The following LINGO2 variants were observed in gnomAD, a reference collection of about 807,000 sequenced individuals.
LINGO2 encodes the protein leucine-rich repeat and immunoglobulin-like domain-containing nogo receptor-interacting protein 2.
LINGO2 carries 14 observed loss-of-function variants against 30.6 expected under a neutral mutation model. The ratio of observed to expected loss-of-function variants is 0.46; its 90% CI spans 0.30 to 0.72. The LOEUF is 0.72. Ranked by LOEUF, LINGO2 falls within the 30% of genes least tolerant of loss-of-function variation. The probability of loss-of-function intolerance (pLI) is 0.07; values close to 1 mark genes in which losing one functional copy is unlikely to be tolerated. For synonymous variants in LINGO2, 317 were observed against 288.5 expected (o/e 1.10, Z -1.00); for missense variants, 729 against 751.7 (o/e 0.97, Z 0.35).
chr9:28,139,513 A>T (rs775947043), intron 4 of LINGO2, among the ~76,000 whole-genome samples: 2 of 152,194 alleles, frequency 1.3e-5, no homozygotes, highest in Non-Finnish European at 2.9e-5. Flanking sequence ...GAAAACTGAT[A>T]AGAGAAATGT....
chr9:28,081,858 TC>T, intron 4 of LINGO2, among the ~76,000 whole-genome samples: 1 of 152,298 alleles, frequency 6.6e-6, no homozygotes, highest in Middle Eastern at 3.4e-3. Flanking sequence ...ATGGCCTTTT[TC>T]TTTTTTATGT....
intron 2 of LINGO2, among the ~76,000 whole-genome samples, chr9:28,420,805 C>G: frequency 6.6e-6 from 1 of 152,128 alleles, no homozygotes; most frequent in Non-Finnish European, 1.5e-5. Flanking sequence ...TGTATCATAA[C>G]ATTTATGGAG....
the LINGO2 span, among the ~76,000 whole-genome samples, chr9:29,157,292 T>C: frequency 6.6e-6 from 1 of 152,122 alleles, no homozygotes; most frequent in Non-Finnish European, 1.5e-5. Context: ...TTCAACTACA[T>C]AAGTACGGTG....
chr9:29,127,813 T>C, the LINGO2 span, among the ~76,000 whole-genome samples: 1 of 152,104 alleles, frequency 6.6e-6, no homozygotes, highest in African/African-American at 2.4e-5. Flanking sequence ...TGTGATGCAA[T>C]TGGCAGTGGC....
At chr9:28,002,204 T>C (rs1164641297) in intron 5 of LINGO2, among the ~76,000 whole-genome samples, 1 of 152,174 alleles carries the variant, frequency 6.6e-6, no homozygotes, top group East Asian at 1.9e-4. Flanking sequence ...TAATATTTTA[T>C]TGTCCACCAT....
intron 4 of LINGO2, among the ~76,000 whole-genome samples, chr9:28,178,385 A>G (rs887670363): frequency 6.6e-6 from 1 of 152,180 alleles, no homozygotes; most frequent in African/African-American, 2.4e-5. Flanking sequence ...AATGAAATAT[A>G]CATTCAAAAT....
At chr9:28,424,222 T>C (rs1823314736) in intron 2 of LINGO2, among the ~76,000 whole-genome samples, 4 of 152,142 alleles carry the variant, frequency 2.6e-5, no homozygotes, top group African/African-American at 2.4e-5. Context: ...CCATTGAAAC[T>C]AGGCTGGTTT....
At chr9:29,175,585 G>C in the LINGO2 span, among the ~76,000 whole-genome samples, 1 of 147,134 alleles carries the variant, frequency 6.8e-6, no homozygotes, top group African/African-American at 2.5e-5. Flanking sequence ...GGAGTGCAGT[G>C]GAGCGATCTC....
At chr9:28,695,814 G>T in the LINGO2 span, among the ~76,000 whole-genome samples, 4 of 150,534 alleles carry the variant, frequency 2.7e-5, no homozygotes, top group Admixed American at 2.0e-4. Context: ...TGAATCATTT[G>T]CTTTTTTTGC....
chr9:28,396,789 A>G (rs1822068317), intron 2 of LINGO2, among the ~76,000 whole-genome samples: 1 of 151,668 alleles, frequency 6.6e-6, no homozygotes, highest in Non-Finnish European at 1.5e-5. Context: ...AGACAGATCA[A>G]CAAGTGCTCT....
intron 1 of LINGO2, among the ~76,000 whole-genome samples, chr9:28,610,739 A>G (rs1274874260): frequency 6.6e-6 from 1 of 152,202 alleles, no homozygotes; most frequent in African/African-American, 2.4e-5. Context: ...TTGGTAAAAC[A>G]GAACAAAAAA....
the LINGO2 span, among the ~76,000 whole-genome samples, chr9:28,957,546 G>C: frequency 6.6e-6 from 1 of 152,084 alleles, no homozygotes; most frequent in African/African-American, 2.4e-5. Flanking sequence ...TTAAAGGTGA[G>C]GCTTCACAGT....
the LINGO2 span, among the ~76,000 whole-genome samples, chr9:29,137,891 G>A: frequency 6.6e-6 from 1 of 151,866 alleles, no homozygotes; most frequent in Non-Finnish European, 1.5e-5. Flanking sequence ...TCTGTAAAAT[G>A]GAGAAAATAA....
intron 5 of LINGO2, among the ~76,000 whole-genome samples, chr9:27,998,490 A>C (rs1428940707): frequency 1.3e-5 from 2 of 152,136 alleles, no homozygotes; most frequent in African/African-American, 4.8e-5. Flanking sequence ...GATATATAAG[A>C]ATTTGAGGCC....
At chr9:28,771,207 C>T in the LINGO2 span, among the ~76,000 whole-genome samples, 3 of 151,580 alleles carry the variant, frequency 2.0e-5, no homozygotes, top group Non-Finnish European at 4.4e-5. Flanking sequence ...GCACCAGTTT[C>T]ATTAAAAGAT....
chr9:28,553,307 G>C (rs965410280), intron 1 of LINGO2, among the ~76,000 whole-genome samples: 4 of 152,060 alleles, frequency 2.6e-5, no homozygotes, highest in African/African-American at 7.2e-5. Context: ...GCTTAAAGGA[G>C]CTGATGGAGC....
At chr9:28,574,499 C>T (rs1521733) in intron 1 of LINGO2, among the ~76,000 whole-genome samples, 20,405 of 152,136 alleles carry the variant, frequency 0.13, 2,038 homozygotes, top group African/African-American at 0.28. Flanking sequence ...TGTGCTTCCA[C>T]AGTAGCTGCT....
the LINGO2 span, among the ~76,000 whole-genome samples, chr9:29,194,253 A>ACCC: frequency 6.6e-6 from 1 of 151,752 alleles, no homozygotes; most frequent in African/African-American, 2.4e-5. Flanking sequence ...TTGGGGAAGC[A>ACCC]CCCCCCGGAG....
intron 1 of LINGO2, among the ~76,000 whole-genome samples, chr9:28,568,136 G>T (rs1823485167): frequency 6.6e-6 from 1 of 152,112 alleles, no homozygotes; most frequent in African/African-American, 2.4e-5. Context: ...AACCACCCAT[G>T]GATGACAGTA....
Sources: allele counts gnomAD v4.1 joint callset (sites outside exome capture counted in the v4.1 genomes callset), GRCh38; gene constraint gnomAD v4.1.1; transcripts MANE v1.5; gene names NCBI Gene and HGNC (gene_info 2026-07-23, HGNC 2026-07-21).